The following BCAS3 variants were observed in gnomAD, a reference collection of about 807,000 sequenced individuals.
BCAS3 encodes BCAS4/BCAS3 fusion.
A neutral mutation model predicts 116.1 loss-of-function variants in BCAS3; 53 were observed. The ratio of observed to expected loss-of-function variants is 0.46; its 90% CI spans 0.37 to 0.57. BCAS3 has a LOEUF of 0.57. Ranked by LOEUF, BCAS3 falls within the 20% of genes least tolerant of loss-of-function variation. The probability of loss-of-function intolerance (pLI) is 0.00; values close to 1 mark genes in which losing one functional copy is unlikely to be tolerated. For synonymous variants in BCAS3, 391 were observed against 408.2 expected, an observed-to-expected ratio of 0.96 and a Z score of 0.51; for missense variants, 917 against 1,165.4, an observed-to-expected ratio of 0.79 and a Z score of 3.10.
intron 22 of BCAS3, among the ~76,000 whole-genome samples, chr17:61,275,571 A>G (rs998568825): frequency 6.6e-6 from 1 of 152,218 alleles, no homozygotes; most frequent in South Asian, 2.1e-4. Flanking sequence ...GCACAATCAC[A>G]GTGAGCAGTG....
At chr17:61,384,787 C>G (rs866899039) in intron 23 of BCAS3, 3 of 152,370 alleles carry the variant, frequency 2.0e-5, no homozygotes, top group East Asian at 3.8e-4. Flanking sequence ...CCAGCACCCC[C>G]GTCCTCCCAA....
Position 61,368,225 on chromosome 17 carries a change from C to T in BCAS3, c.2426-102C>T. On this transcript the variant is annotated intron_variant, in intron 22 of 23. Coordinates refer to ENST00000407086, the MANE Select transcript of BCAS3 (RefSeq NM_017679.5). The surrounding 1 kb of genome is among the most constrained non-coding windows in gnomAD (Gnocchi z 6.0). ...GTGCTTCCATCCTACAGGAAGGCTA[C>T]AATGGACCCTGGGTATGGAGAGGAG... The T allele has an allele frequency of 7.6e-7, 1 of 1,309,000 alleles. No homozygotes were observed. Among genetic ancestry groups the T allele is most frequent in the Non-Finnish European group, 1.0e-6 (1 of 955,014 alleles). The allele number at this position is 1,309,000 out of a possible 1,614,324, so 81.1% of individuals were successfully genotyped here. A position where few individuals can be genotyped will look rare whatever the true frequency, so the allele number is the denominator to read the frequency against.
intron 12 of BCAS3, among the ~76,000 whole-genome samples, chr17:60,923,204 C>G (rs1220152668): frequency 6.6e-6 from 1 of 152,138 alleles, no homozygotes; most frequent in Non-Finnish European, 1.5e-5. Flanking sequence ...GAGGTTCTAG[C>G]TAGATCAATA....
intron 11 of BCAS3, among the ~76,000 whole-genome samples, chr17:60,909,395 G>GA (rs1400975933): frequency 5.9e-5 from 9 of 152,172 alleles, no homozygotes; most frequent in African/African-American, 2.2e-4. Context: ...GCATGTGCCA[G>GA]AATTAGGTAA....
intron 22 of BCAS3, among the ~76,000 whole-genome samples, chr17:61,172,502 T>G (rs2078897801): frequency 6.7e-6 from 1 of 150,326 alleles, no homozygotes; most frequent in Admixed American, 6.6e-5. Context: ...CCGGGCTTAG[T>G]GGCTGGCGCC....
At chr17:61,257,265 CA>C (rs1371762393) in intron 22 of BCAS3, among the ~76,000 whole-genome samples, 1 of 151,848 alleles carries the variant, frequency 6.6e-6, no homozygotes, top group Non-Finnish European at 1.5e-5. Flanking sequence ...ACTAATAATA[CA>C]AAAATTAGCT....
At chr17:60,850,857 TA>T (rs1289417665) in intron 7 of BCAS3, among the ~76,000 whole-genome samples, 12 of 151,996 alleles carry the variant, frequency 7.9e-5, no homozygotes, top group Non-Finnish European at 1.0e-4. Flanking sequence ...ATACATGAAA[TA>T]AAAAAATATA....
rs1156751415 is a variant in BCAS3 at position 61,381,259 on chromosome 17, G to A, written c.2594-10718G>A. 1.3e-5 allele frequency among the ~76,000 whole-genome samples: 2 copies of A among 152,194 alleles called. No individual in the cohort carries two copies. The highest frequency in any genetic ancestry group is 3.9e-4 in the East Asian group (2 of 5,184). On this transcript the variant is annotated intron_variant, in intron 23 of 23. Coordinates refer to ENST00000407086, the MANE Select transcript of BCAS3 (RefSeq NM_017679.5). This position sits in a 1 kb window ranked among gnomAD's most constrained non-coding sequence, Gnocchi z 6.0. ...TTCTAGATTTGTTATTCCTCCTGGA[G>A]GAGCAAATGGAAAGGCTCGCCTGAG...
chr17:60,974,490 C>G (rs1334549943), intron 14 of BCAS3, among the ~76,000 whole-genome samples: 1 of 151,946 alleles, frequency 6.6e-6, no homozygotes, highest in African/African-American at 2.4e-5. Flanking sequence ...ATTCTCAAAT[C>G]GATGAAATAT....
chr17:61,261,988 T>C lies in BCAS3; in HGVS notation c.2426-106339T>C, dbSNP rs927966476. On this transcript the variant is annotated intron_variant, in intron 22 of 23. Coordinates refer to ENST00000407086, the MANE Select transcript of BCAS3 (RefSeq NM_017679.5). This position sits in a 1 kb window ranked among gnomAD's most constrained non-coding sequence, Gnocchi z 4.4. ...GGATGTCCACGAATACCGTTTCTAT[T>C]CAGTGTTATACTAGAAGTACTACCC... Among the ~76,000 whole-genome samples the C allele has an allele frequency of 1.3e-5, 2 of 152,218 alleles. No homozygotes were observed. Among genetic ancestry groups the C allele is most frequent in the Non-Finnish European group, 2.9e-5 (2 of 68,032 alleles).
rs1439800906 is a variant in BCAS3, at chr17:61,376,642, TC to T, written c.2593+8149del. On this transcript the variant is annotated intron_variant, in intron 23 of 23. Transcript: ENST00000407086. The surrounding 1 kb of genome is among the most constrained non-coding windows in gnomAD (Gnocchi z 4.5). ...TCTCAAGATGCACAAGGGTGATTCA[TC>T]TGTGCAAGCCATAGCTTCTGGCTTG... Among the ~76,000 whole-genome samples the T allele has an allele frequency of 6.6e-6, 1 of 152,210 alleles. No individual in the cohort carries two copies. The highest frequency in any genetic ancestry group is 1.5e-5 in the Non-Finnish European group (1 of 68,038).
At chr17:60,798,935 C>T (rs898801169) in intron 6 of BCAS3, among the ~76,000 whole-genome samples, 23 of 152,302 alleles carry the variant, frequency 1.5e-4, no homozygotes, top group Middle Eastern at 6.8e-3. Flanking sequence ...CATATAACTT[C>T]GAGCATATTT....
chr17:61,061,901 TAC>T (rs1218200645), intron 19 of BCAS3, among the ~76,000 whole-genome samples: 13 of 152,156 alleles, frequency 8.5e-5, no homozygotes, highest in Non-Finnish European at 1.5e-4. Flanking sequence ...TGTGTATAAA[TAC>T]AGAGATAATG....
intron 22 of BCAS3, among the ~76,000 whole-genome samples, chr17:61,191,039 C>T (rs1002900599): frequency 2.6e-5 from 4 of 152,156 alleles, no homozygotes; most frequent in African/African-American, 9.7e-5. Context: ...CACTGTACTC[C>T]AGCCTGGGTG....
At chr17:60,933,129 T>C (rs189337207) in intron 13 of BCAS3, among the ~76,000 whole-genome samples, 2 of 151,624 alleles carry the variant, frequency 1.3e-5, no homozygotes, top group Admixed American at 1.3e-4. Flanking sequence ...ATGGTGCCAC[T>C]GTACTCCAGC....
chr17:60,780,993 G>A (rs920133932), intron 6 of BCAS3, among the ~76,000 whole-genome samples: 1 of 151,604 alleles, frequency 6.6e-6, no homozygotes, highest in Non-Finnish European at 1.5e-5. Flanking sequence ...TTTTGAGATG[G>A]AGTCTCACTC....
chr17:61,108,574 C>G (rs894762366), intron 22 of BCAS3, among the ~76,000 whole-genome samples: 13 of 136,302 alleles, frequency 9.5e-5, no homozygotes, highest in African/African-American at 3.5e-4. Flanking sequence ...GGAACATTTT[C>G]TAAAATTCTA....
chr17:60,983,848 T>G (rs554656367), intron 14 of BCAS3, among the ~76,000 whole-genome samples: 1 of 152,346 alleles, frequency 6.6e-6, no homozygotes, highest in Non-Finnish European at 1.5e-5. Context: ...CATATTATGA[T>G]ATTAATTTCT....
At chr17:61,015,967 C>T (rs751654287) in intron 16 of BCAS3, 66 bp downstream of exon 16, 630 of 1,465,576 alleles carry the variant, frequency 4.3e-4, no homozygotes, top group Non-Finnish European at 5.7e-4. Flanking sequence ...AAAAATAAAA[C>T]ATACTTTTTC....
Sources: allele counts gnomAD v4.1 joint callset (sites outside exome capture counted in the v4.1 genomes callset), GRCh38; gene constraint gnomAD v4.1.1; non-coding constraint Gnocchi (gnomAD v3.1); transcripts MANE v1.5; gene names NCBI Gene and HGNC (gene_info 2026-07-23, HGNC 2026-07-21).